TANC2: variants seen among roughly 807,000 people sequenced by gnomAD.
The protein encoded by TANC2 is protein TANC2.
A neutral mutation model predicts 210.5 loss-of-function variants in TANC2; 26 were observed. The ratio of observed to expected loss-of-function variants is 0.12; its 90% confidence interval spans 0.09 to 0.17. The LOEUF (loss-of-function observed/expected upper bound fraction) is 0.17, where lower values mean the gene tolerates loss of function less well. TANC2 is among the 10% of genes least tolerant of loss of function. The pLI is 1.00. For synonymous variants in TANC2, 931 were observed against 967.1 expected, an observed-to-expected ratio of 0.96 and a Z score of 0.69; for missense variants, 2,129 against 2,608.9, an observed-to-expected ratio of 0.82 and a Z score of 4.01.
chr17:63,381,544 T>C (rs1217693267), intron 15 of TANC2: 1 of 152,242 alleles, frequency 6.6e-6, no homozygotes, highest in African/African-American at 2.4e-5. Context: ...ATAGTTCCAC[T>C]TGAAACTTCT....
chr17:62,991,360 C>T lies in TANC2; in HGVS notation c.-23-18177C>T, dbSNP rs78626465. ...AAGTATTAAAACTAAGTAGATAGGC[C>T]GGGCAGGGTGGCTCATGCCTGTAAT... On this transcript the variant is annotated intron_variant, in intron 1 of 27. Transcript: ENST00000689528. Among the ~76,000 whole-genome samples the T allele has an allele frequency of 5.0e-3, 752 of 151,842 alleles. 8 individuals carry two copies. Among genetic ancestry groups the T allele is most frequent in the African/African-American group, 0.017 (702 of 41,422 alleles).
chr17:63,202,335 T>G (rs1015229110), intron 7 of TANC2, among the ~76,000 whole-genome samples: 3 of 152,096 alleles, frequency 2.0e-5, no homozygotes, highest in Admixed American at 6.6e-5. Flanking sequence ...AAATGGAAAT[T>G]GGGCTTCTGT....
At chr17:63,189,785 T>G (rs1461804537) in intron 5 of TANC2, among the ~76,000 whole-genome samples, 1 of 152,206 alleles carries the variant, frequency 6.6e-6, no homozygotes, top group Non-Finnish European at 1.5e-5. Flanking sequence ...TGTTTTTCCT[T>G]TTGTCACTTG....
In TANC2 at chr17:63,416,964, G is replaced by A. The variant is rs374752200; in HGVS notation, c.4167+1290G>A. Reference sequence around the variant, plus strand: ...GATGAGGCAAAGCTCAGAAGTTGCTGCCAACCCACTGATCTCTTTTCCCTA... The same window carrying A: ...GATGAGGCAAAGCTCAGAAGTTGCTACCAACCCACTGATCTCTTTTCCCTA... On this transcript the variant is annotated intron_variant, in intron 26 of 27. Transcript: ENST00000689528. Among the ~76,000 whole-genome samples, 3 of 152,336 alleles carry A rather than the reference G, an allele frequency of 2.0e-5. No individual in the cohort carries two copies. The South Asian group carries it at 6.2e-4, about 32-fold the overall frequency.
chr17:63,203,224 C>T (rs969531699), intron 7 of TANC2, among the ~76,000 whole-genome samples: 5 of 152,142 alleles, frequency 3.3e-5, no homozygotes, highest in Admixed American at 3.3e-4. Flanking sequence ...GTTCTAAAAT[C>T]TGAAAACTCT....
At chr17:63,038,373 T>C (rs570441136) in intron 2 of TANC2, among the ~76,000 whole-genome samples, 1 of 152,316 alleles carries the variant, frequency 6.6e-6, no homozygotes, top group South Asian at 2.1e-4. Context: ...AAACCCCACC[T>C]ACTCATAGTT....
intron 4 of TANC2, among the ~76,000 whole-genome samples, chr17:63,136,957 G>A (rs1455586382): frequency 6.6e-6 from 1 of 152,166 alleles, no homozygotes; most frequent in Non-Finnish European, 1.5e-5. Context: ...GACAACTGCA[G>A]AACTCTGCAG....
intron 10 of TANC2, among the ~76,000 whole-genome samples, chr17:63,317,505 T>G (rs2045353446): frequency 6.6e-6 from 1 of 152,202 alleles, no homozygotes; most frequent in Non-Finnish European, 1.5e-5. Flanking sequence ...ACAGACCTGT[T>G]GTATAATTCA....
intron 2 of TANC2, among the ~76,000 whole-genome samples, chr17:63,073,657 T>G (rs2036475178): frequency 6.6e-6 from 1 of 152,182 alleles, no homozygotes; most frequent in Non-Finnish European, 1.5e-5. Context: ...TGAACTTTGG[T>G]GTTGATAACT....
At chr17:63,114,053 A>G (rs1055815841) in intron 4 of TANC2, among the ~76,000 whole-genome samples, 2 of 152,212 alleles carry the variant, frequency 1.3e-5, no homozygotes, top group African/African-American at 4.8e-5. Context: ...AAGTGAGAGA[A>G]AGGAGATTTG....
At chr17:63,291,386 G>A (rs2044378442) in intron 9 of TANC2, among the ~76,000 whole-genome samples, 1 of 152,176 alleles carries the variant, frequency 6.6e-6, no homozygotes, top group Non-Finnish European at 1.5e-5. Context: ...CTCTGCAGTT[G>A]AGAGTGGAAA....
intron 1 of TANC2, among the ~76,000 whole-genome samples, chr17:63,000,225 A>G (rs528808399): frequency 3.9e-5 from 6 of 152,130 alleles, no homozygotes; most frequent in Admixed American, 3.9e-4. Flanking sequence ...TTGAATCTAC[A>G]ATAAGTTAAA....
chr17:63,146,112 CCTTT>C lies in TANC2; in HGVS notation c.323-5157_323-5154del, dbSNP rs1465162301. ...GTTTGATAGTTTTTGGTGCACAAGT[CCTTT>C]GTTTCCTTGATTAAGTTTATGTCTA... On this transcript the variant is annotated intron_variant, in intron 4 of 27. Transcript: ENST00000689528. Among the ~76,000 whole-genome samples, 3 of 151,858 alleles carry C rather than the reference CCTTT, an allele frequency of 2.0e-5. No homozygotes were observed. In the East Asian group the frequency reaches 5.8e-4, roughly 29 times the overall value.
chr17:63,161,058 A>G (rs1249053907), intron 5 of TANC2, among the ~76,000 whole-genome samples: 1 of 152,226 alleles, frequency 6.6e-6, no homozygotes, highest in African/African-American at 2.4e-5. Flanking sequence ...AAAAGGATGG[A>G]TAGGCTTGCT....
At chr17:63,296,067 C>A (rs752595224) in intron 9 of TANC2, among the ~76,000 whole-genome samples, 1 of 152,144 alleles carries the variant, frequency 6.6e-6, no homozygotes, top group South Asian at 2.1e-4. Flanking sequence ...GCCCAAGAAA[C>A]CCCCTGAGTG....
chr17:63,123,827 G>T (rs2038591843), intron 4 of TANC2, among the ~76,000 whole-genome samples: 1 of 149,620 alleles, frequency 6.7e-6, no homozygotes, highest in Non-Finnish European at 1.5e-5. Flanking sequence ...TCAGCCTCCC[G>T]AGTAGCTGGG....
chr17:62,969,463 T>C (rs1245245400), intron 1 of TANC2, among the ~76,000 whole-genome samples: 4 of 152,246 alleles, frequency 2.6e-5, no homozygotes, highest in Non-Finnish European at 5.9e-5. Context: ...GTACAATAGA[T>C]GTGGATAAAC....
intron 4 of TANC2, among the ~76,000 whole-genome samples, chr17:63,146,786 C>T (rs757718099): frequency 5.3e-5 from 8 of 152,104 alleles, no homozygotes; most frequent in Non-Finnish European, 1.2e-4. Context: ...TACAGAGGAA[C>T]CTCGATAGGT....
intron 4 of TANC2, among the ~76,000 whole-genome samples, chr17:63,145,115 TCTC>T (rs1220702369): frequency 2.0e-5 from 3 of 152,040 alleles, no homozygotes; most frequent in Non-Finnish European, 2.9e-5. Context: ...AAAGGGAAAA[TCTC>T]CTTGCATTTC....
Sources: gnomAD v4.1 joint callset for allele counts (sites outside exome capture counted in the v4.1 genomes callset) on GRCh38, gnomAD v4.1.1 for gene constraint, MANE v1.5 for transcripts, NCBI Gene and HGNC (gene_info 2026-07-23, HGNC 2026-07-21) for gene names.